PCSK1: variants seen among roughly 807,000 people sequenced by gnomAD.
The protein encoded by PCSK1 is proprotein convertase subtilisin/kexin type 1, also known as neuroendocrine convertase 1.
A neutral mutation model predicts 90.6 loss-of-function variants in PCSK1; 56 were observed. The observed-to-expected ratio is 0.62, with a 90% CI of 0.50 to 0.77. PCSK1 has a LOEUF of 0.77. Among genes scored for constraint, PCSK1 ranks in the 30% least tolerant of loss-of-function variants. PCSK1 has a pLI of 0.00. For synonymous variants in PCSK1, 348 were observed against 342.4 expected (o/e 1.02, Z -0.18); for missense variants, 801 against 932.6 (o/e 0.86, Z 1.84).
Position 96,430,029 on chromosome 5 carries a change from T to C in PCSK1, c.181-712A>G, listed in dbSNP as rs373987295. ...ATCTATGGTCAGTGCCACTTTCCAC[T>C]AAAATAAATTATCGTTGTTATAAAA... On this transcript the variant is annotated intron_variant, in intron 1 of 13. Coordinates refer to ENST00000311106, the MANE Select transcript of PCSK1 (RefSeq NM_000439.5). 9.2e-5 allele frequency among the ~76,000 whole-genome samples: 14 copies of C among 152,360 alleles called. No homozygotes were observed. The East Asian group carries it at 2.5e-3, about 27-fold the overall frequency.
At chr5:96,420,344 C>T (rs757749034) in intron 5 of PCSK1, among the ~76,000 whole-genome samples, 2 of 152,162 alleles carry the variant, frequency 1.3e-5, no homozygotes, top group Non-Finnish European at 1.5e-5. Flanking sequence ...CCTGCATTAT[C>T]CTGCTTCAGA....
intron 9 of PCSK1, among the ~76,000 whole-genome samples, chr5:96,406,942 G>A (rs1192954597): frequency 6.6e-6 from 1 of 152,120 alleles, no homozygotes; most frequent in Non-Finnish European, 1.5e-5. Context: ...GTGTGAGACA[G>A]TTCAATTTTT....
intron 6 of PCSK1, among the ~76,000 whole-genome samples, chr5:96,412,756 T>G (rs1274074631): frequency 4.2e-5 from 6 of 142,222 alleles, no homozygotes; most frequent in Non-Finnish European, 7.5e-5. Flanking sequence ...TGTGATGTTT[T>G]TTTTTTTTTT....
Position 96,431,076 on chromosome 5 carries a change from T to C in PCSK1, c.181-1759A>G, listed in dbSNP as rs571987271. Among the ~76,000 whole-genome samples the C allele has an allele frequency of 3.3e-5, 5 of 152,296 alleles. No individual in the cohort carries two copies. The South Asian group carries it at 1.0e-3, about 32-fold the overall frequency. On this transcript the variant is annotated intron_variant, in intron 1 of 13. Transcript: ENST00000311106. ...TGCTATTTAGCCTTTCAGTAGCTGC[T>C]CAAGGAATACACAATTAAATCCCCA...
chr5:96,429,215 G>A lies in PCSK1; in HGVS notation c.283C>T (p.Arg95Cys), dbSNP rs1439220661. The change falls in exon 2 of 14, where the codon CGT becomes TGT. Residue 95 changes from arginine (R) to cysteine (C), a missense_variant and splice_region_variant. Transcript: ENST00000311106. ...HITKRLSDDD[R>C]VIWAEQQYEK... Reference sequence around the variant, plus strand: ...GAAGACAAATGTACAACACTTACACGATCATCATCAGATAATCTCTTAGTG... The same window carrying A: ...GAAGACAAATGTACAACACTTACACAATCATCATCAGATAATCTCTTAGTG... 2 of 1,477,926 alleles carry A rather than the reference G, an allele frequency of 1.4e-6. No homozygotes were observed. Among genetic ancestry groups the A allele is most frequent in the Non-Finnish European group, 1.9e-6 (2 of 1,056,238 alleles). The allele number at this position is 1,477,926 out of a possible 1,614,324, so 91.6% of individuals were successfully genotyped here. A position where few individuals can be genotyped will look rare whatever the true frequency, so the allele number is the denominator to read the frequency against.
intron 3 of PCSK1, among the ~76,000 whole-genome samples, chr5:96,424,685 C>T (rs562862839): frequency 2.2e-4 from 33 of 152,186 alleles, no homozygotes; most frequent in Admixed American, 1.4e-3. Flanking sequence ...GCAAGAGGCC[C>T]GGTGCGGTGG....
chr5:96,426,041 T>C (rs1356854001), intron 2 of PCSK1, 111 bp from the exon 3 acceptor site: 1 of 714,664 alleles, frequency 1.4e-6, no homozygotes. Context: ...CTCTGCAATA[T>C]TTTCATTTGA....
intron 1 of PCSK1, 49 bp downstream of exon 1, chr5:96,432,814 G>T (rs1237858086): frequency 2.0e-6 from 3 of 1,527,676 alleles, no homozygotes; most frequent in South Asian, 1.1e-5. Flanking sequence ...CTCCAGTCCC[G>T]CCAGTCCCCT....
intron 2 of PCSK1, among the ~76,000 whole-genome samples, chr5:96,426,964 T>C (rs1761328252): frequency 6.6e-6 from 1 of 152,236 alleles, no homozygotes; most frequent in Non-Finnish European, 1.5e-5. Flanking sequence ...TTTAAAGTGC[T>C]TGTATTTTCA....
intron 9 of PCSK1, among the ~76,000 whole-genome samples, chr5:96,405,998 T>C (rs185706699): frequency 6.6e-6 from 1 of 152,248 alleles, no homozygotes; most frequent in Admixed American, 6.5e-5. Context: ...TTAAATATAA[T>C]AAGTCTGTTG....
chr5:96,417,279 T>C (rs1038936214), intron 5 of PCSK1, among the ~76,000 whole-genome samples: 1 of 152,178 alleles, frequency 6.6e-6, no homozygotes, highest in African/African-American at 2.4e-5. Context: ...AGATTCCTGC[T>C]CCTTCATGTT....
intron 9 of PCSK1, among the ~76,000 whole-genome samples, chr5:96,406,279 A>G (rs1422393336): frequency 6.6e-6 from 1 of 151,968 alleles, no homozygotes. Flanking sequence ...GTTCCTTGCA[A>G]TTTTCACTGC....
intron 6 of PCSK1, among the ~76,000 whole-genome samples, chr5:96,413,229 G>GA (rs1230860933): frequency 5.3e-5 from 8 of 152,286 alleles, no homozygotes; most frequent in African/African-American, 1.9e-4. Context: ...CCCCCAAGGG[G>GA]AATCATTTTT....
rs1222753158 is a variant in PCSK1, at chr5:96,391,323, C to T, written c.*1678G>A. ...CTAGTGTTCTTTTCATGAACCAGTT[C>T]AATGCCATGAATTACCTTATGAAGT... On this transcript the variant is annotated 3_prime_UTR_variant, in exon 14 of 14. Transcript: ENST00000311106. 5.3e-5 allele frequency: 8 copies of T among 152,134 alleles called. No individual in the cohort carries two copies. The highest frequency in any genetic ancestry group is 1.0e-4 in the Non-Finnish European group (7 of 68,014). The allele number at this position is 152,134 out of a possible 1,614,324, so 9.4% of individuals were successfully genotyped here.
chr5:96,421,459 G>A (rs573858939), intron 5 of PCSK1, among the ~76,000 whole-genome samples: 118 of 152,286 alleles, frequency 7.7e-4, no homozygotes, highest in Middle Eastern at 3.4e-3. Flanking sequence ...TGTAGCCACC[G>A]TCAGAAGTTG....
Position 96,392,718 on chromosome 5 carries a change from G to C in PCSK1, c.*283C>G, listed in dbSNP as rs1759986793. ...GGCTCTAATGCAGTGTTCTAATGTAGTGTAAGAGCTTTTTGTCAACTGTGA... is the reference window on the plus strand; with the variant it reads ...GGCTCTAATGCAGTGTTCTAATGTACTGTAAGAGCTTTTTGTCAACTGTGA... On this transcript the variant is annotated 3_prime_UTR_variant, in exon 14 of 14. Coordinates refer to ENST00000311106, the MANE Select transcript of PCSK1 (RefSeq NM_000439.5). The C allele has an allele frequency of 2.1e-6, 1 of 478,450 alleles. No homozygotes were observed. The highest frequency in any genetic ancestry group is 3.8e-6 in the Non-Finnish European group (1 of 264,038). 29.6% of individuals were successfully genotyped at this position (478,450 alleles called of 1,614,324 possible).
At chr5:96,423,889 T>C (rs1761203687) in intron 3 of PCSK1, among the ~76,000 whole-genome samples, 1 of 152,222 alleles carries the variant, frequency 6.6e-6, no homozygotes, top group Non-Finnish European at 1.5e-5. Flanking sequence ...TAGTCATTCA[T>C]GAATGTTTTA....
chr5:96,427,754 G>A (rs1208018945), intron 2 of PCSK1, among the ~76,000 whole-genome samples: 1 of 152,152 alleles, frequency 6.6e-6, no homozygotes, highest in Admixed American at 6.5e-5. Context: ...AGTTCTATGT[G>A]CATTAATGGG....
rs1246499415 is a variant in PCSK1, at chr5:96,400,046, G to A, written c.1337C>T (p.Ala446Val). 2 of 1,614,116 alleles carry A rather than the reference G, an allele frequency of 1.2e-6. No homozygotes were observed. Among genetic ancestry groups the A allele is most frequent in the Admixed American group, 1.7e-5 (1 of 60,018 alleles). The change falls in exon 10 of 14, where the codon GCC becomes GTC. Residue 446 changes from alanine to valine, a missense_variant. Transcript: ENST00000311106. ...GTCAGCTAAATCCACCAGAGCTTTGGCATTTAGCAAGCCAAATCCAAATCG... is the reference window on the plus strand; with the variant it reads ...GTCAGCTAAATCCACCAGAGCTTTGACATTTAGCAAGCCAAATCCAAATCG... Reference protein sequence around the residue: ...NSRFGFGLLNAKALVDLADPR... With the variant: ...NSRFGFGLLNVKALVDLADPR...
Sources: allele counts gnomAD v4.1 joint callset (sites outside exome capture counted in the v4.1 genomes callset), GRCh38; gene constraint gnomAD v4.1.1; transcripts MANE v1.5; gene names NCBI Gene and HGNC (gene_info 2026-07-23, HGNC 2026-07-21).